DYRK1A: variants seen among roughly 807,000 people sequenced by gnomAD.
DYRK1A encodes dual specificity tyrosine phosphorylation regulated kinase 1A.
DYRK1A carries 9 observed loss-of-function variants against 79.7 expected under a neutral mutation model. That is an observed-to-expected ratio of 0.11 (90% CI 0.07 to 0.20). The LOEUF (loss-of-function observed/expected upper bound fraction) is 0.20. Ranked by LOEUF, DYRK1A falls within the 10% of genes least tolerant of loss-of-function variation. The pLI is 1.00. For synonymous variants in DYRK1A, 349 were observed against 329.7 expected, an observed-to-expected ratio of 1.06 and a Z score of -0.63; for missense variants, 622 against 956.0, an observed-to-expected ratio of 0.65 and a Z score of 4.61.
intron 2 of DYRK1A, among the ~76,000 whole-genome samples, chr21:37,470,610 A>T (rs982256491): frequency 6.6e-6 from 1 of 152,212 alleles, no homozygotes; most frequent in African/African-American, 2.4e-5. Flanking sequence ...TACTGTTTAT[A>T]AGAACTTTTT....
intron 7 of DYRK1A, among the ~76,000 whole-genome samples, chr21:37,492,339 T>C (rs1289754909): frequency 6.6e-6 from 1 of 152,220 alleles, no homozygotes; most frequent in Non-Finnish European, 1.5e-5. Context: ...TTTTCCACTT[T>C]TAATAAGTGA....
At chr21:37,374,796 G>T (rs1168852284) in intron 1 of DYRK1A, among the ~76,000 whole-genome samples, 1 of 152,068 alleles carries the variant, frequency 6.6e-6, no homozygotes, top group Non-Finnish European at 1.5e-5. Context: ...CTCGTGATCC[G>T]CCTGCCTTGG....
chr21:37,505,790 G>T (rs1478440052), intron 10 of DYRK1A, among the ~76,000 whole-genome samples: 1 of 152,156 alleles, frequency 6.6e-6, no homozygotes, highest in African/African-American at 2.4e-5. Flanking sequence ...AATCTGCTTG[G>T]CAGTTGGAAA....
At chr21:37,411,050 A>T (rs1395307511) in intron 1 of DYRK1A, among the ~76,000 whole-genome samples, 17 of 8,970 alleles carry the variant, frequency 1.9e-3, no homozygotes, top group African/African-American at 2.3e-3. Flanking sequence ...TTCTGTCTTT[A>T]AAAAAAAAAA....
In DYRK1A at chr21:37,515,275, A is replaced by G. The variant is rs1403384637; in HGVS notation, c.*2744A>G. ...TTAAACTGGTCCAGGTCTGGTAGGTATAGTATCAAAGTTGAGTTAAATGTG... is the reference window on the plus strand; with the variant it reads ...TTAAACTGGTCCAGGTCTGGTAGGTGTAGTATCAAAGTTGAGTTAAATGTG... On this transcript the variant is annotated 3_prime_UTR_variant, in exon 12 of 12. Transcript: ENST00000647188. 2.0e-5 allele frequency: 3 copies of G among 152,692 alleles called. No individual in the cohort carries two copies. Among genetic ancestry groups the G allele is most frequent in the Non-Finnish European group, 4.4e-5 (3 of 68,052 alleles). The allele number at this position is 152,692 out of a possible 1,614,324, so 9.5% of individuals were successfully genotyped here.
intron 1 of DYRK1A, among the ~76,000 whole-genome samples, chr21:37,407,067 C>T (rs965667538): frequency 2.0e-5 from 3 of 151,606 alleles, no homozygotes; most frequent in African/African-American, 7.3e-5. Context: ...TTTGCGTCTT[C>T]ATTTATATAT....
chr21:37,500,402 T>C (rs1353843714), intron 9 of DYRK1A, among the ~76,000 whole-genome samples: 1 of 152,220 alleles, frequency 6.6e-6, no homozygotes, highest in Non-Finnish European at 1.5e-5. Context: ...TTTGTTTCTA[T>C]GTCATTAATG....
Position 37,493,168 on chromosome 21 carries a change from A to G in DYRK1A, c.1071+5A>G. 1.3e-6 allele frequency: 2 copies of G among 1,594,572 alleles called. No homozygotes were observed. Among genetic ancestry groups the G allele is most frequent in the East Asian group, 2.3e-5 (1 of 44,402 alleles). On this transcript the variant is annotated splice_donor_5th_base_variant and intron_variant, in intron 8 of 11. Transcript: ENST00000647188. ...CTGTTCAGTGGTGCCAATGAGGTAA[A>G]TGATGTATTGCTTTACAAATTCTGT...
chr21:37,500,498 A>T (rs2053409432), intron 9 of DYRK1A, among the ~76,000 whole-genome samples: 1 of 151,830 alleles, frequency 6.6e-6, no homozygotes, highest in Non-Finnish European at 1.5e-5. Context: ...ATTAGGAAAT[A>T]TTTTTTCTTG....
chr21:37,473,673 A>G (rs767825566), intron 3 of DYRK1A, among the ~76,000 whole-genome samples: 1 of 152,108 alleles, frequency 6.6e-6, no homozygotes, highest in Non-Finnish European at 1.5e-5. Context: ...AGGATAAAAG[A>G]GTTGGGAGAT....
rs1269594156 is a variant in DYRK1A, at chr21:37,472,637, C to T, written c.11-47C>T. On this transcript the variant is annotated intron_variant, in intron 2 of 11. Coordinates refer to ENST00000647188, the MANE Select transcript of DYRK1A (RefSeq NM_001347721.2). Reference sequence around the variant, plus strand: ...CATTAGATATGTCAAATGATACAAACATTAGGATATGAATATTTCCTTTAA... The same window carrying T: ...CATTAGATATGTCAAATGATACAAATATTAGGATATGAATATTTCCTTTAA... 4 of 1,418,884 alleles carry T rather than the reference C, an allele frequency of 2.8e-6. No homozygotes were observed. In the African/African-American group the frequency reaches 4.3e-5, roughly 15 times the overall value. 87.9% of individuals were successfully genotyped at this position (1,418,884 alleles called of 1,614,324 possible). A position where few individuals can be genotyped will look rare whatever the true frequency, so the allele number is the denominator to read the frequency against.
intron 9 of DYRK1A, among the ~76,000 whole-genome samples, chr21:37,499,662 A>AT (rs141309988): frequency 0.082 from 12,477 of 152,086 alleles, 1,726 homozygotes; most frequent in African/African-American, 0.28. Flanking sequence ...TTAGTTTTTA[A>AT]TTTTTTAGAT....
chr21:37,472,648 G>A, intron 2 of DYRK1A, 36 bp from the exon 3 acceptor site: 2 of 1,486,358 alleles, frequency 1.3e-6, no homozygotes, highest in Non-Finnish European at 1.8e-6. Context: ...ATTAGGATAT[G>A]AATATTTCCT....
At chr21:37,471,754 G>C (rs575203895) in intron 2 of DYRK1A, among the ~76,000 whole-genome samples, 1 of 152,270 alleles carries the variant, frequency 6.6e-6, no homozygotes, top group Admixed American at 6.5e-5. Context: ...GTAGAAGTCG[G>C]AAGTATTTTG....
At chr21:37,374,817 T>A (rs1001011475) in intron 1 of DYRK1A, among the ~76,000 whole-genome samples, 12 of 152,206 alleles carry the variant, frequency 7.9e-5, no homozygotes, top group African/African-American at 2.9e-4. Flanking sequence ...CCTCCCAAAG[T>A]GCTGGGATTA....
chr21:37,513,256 A>C lies in DYRK1A; in HGVS notation c.*725A>C, dbSNP rs1367268364. On this transcript the variant is annotated 3_prime_UTR_variant, in exon 12 of 12. Coordinates refer to ENST00000647188, the MANE Select transcript of DYRK1A (RefSeq NM_001347721.2). ...GTTGCAGAGGCCACAGGAAGATAGG[A>C]TGGAACGTGACTGGTCTCCTAACCA... The C allele has an allele frequency of 1.3e-5, 2 of 152,772 alleles. No homozygotes were observed. The highest frequency in any genetic ancestry group is 2.9e-5 in the Non-Finnish European group (2 of 68,180). The allele number at this position is 152,772 out of a possible 1,614,324, so 9.5% of individuals were successfully genotyped here.
intron 1 of DYRK1A, among the ~76,000 whole-genome samples, chr21:37,375,939 C>T (rs528717516): frequency 3.9e-5 from 6 of 152,012 alleles, no homozygotes; most frequent in African/African-American, 1.4e-4. Flanking sequence ...CAAAAGTTGC[C>T]TTTTGGCCCG....
chr21:37,429,861 C>G (rs911939160), intron 2 of DYRK1A, among the ~76,000 whole-genome samples: 1 of 152,184 alleles, frequency 6.6e-6, no homozygotes, highest in South Asian at 2.1e-4. Flanking sequence ...ACAGGGGTAA[C>G]CCCTTTTACT....
At position 37,512,743 on chromosome 21, in the gene DYRK1A, A is replaced by C; in HGVS notation, c.*212A>C. 1.8e-6 allele frequency: 1 copy of C among 547,558 alleles called. No homozygotes were observed. The highest frequency in any genetic ancestry group is 2.9e-5 in the East Asian group (1 of 34,222). 33.9% of individuals were successfully genotyped at this position (547,558 alleles called of 1,614,324 possible). On this transcript the variant is annotated 3_prime_UTR_variant, in exon 12 of 12. Transcript: ENST00000647188. Reference sequence around the variant, plus strand: ...CATGTCCAAACCCATCTTCATGGATAGCTCAGAGGTATCCTCTTTTTGCTC... The same window carrying C: ...CATGTCCAAACCCATCTTCATGGATCGCTCAGAGGTATCCTCTTTTTGCTC...
Sources: allele counts gnomAD v4.1 joint callset (sites outside exome capture counted in the v4.1 genomes callset), GRCh38; gene constraint gnomAD v4.1.1; transcripts MANE v1.5; gene names NCBI Gene and HGNC (gene_info 2026-07-23, HGNC 2026-07-21).